Variants in SEMA5A observed in about 807,000 individuals in gnomAD.
SEMA5A encodes semaphorin 5A.
Under a neutral mutation model 135.5 loss-of-function variants are expected in SEMA5A, and 55 were observed. That is an observed-to-expected ratio of 0.41 (90% confidence interval 0.33 to 0.51). The LOEUF is 0.51. Among genes scored for constraint, SEMA5A ranks in the 20% least tolerant of loss-of-function variants. The probability of loss-of-function intolerance (pLI) is 0.37; values close to 1 mark genes in which losing one functional copy is unlikely to be tolerated. For synonymous variants in SEMA5A, 580 were observed against 546.5 expected, an observed-to-expected ratio of 1.06 and a Z score of -0.85; for missense variants, 1,290 against 1,419.9, an observed-to-expected ratio of 0.91 and a Z score of 1.47.
intron 1 of SEMA5A, among the ~76,000 whole-genome samples, chr5:9,494,208 G>T (rs543371906): frequency 6.6e-6 from 1 of 152,060 alleles, no homozygotes; most frequent in African/African-American, 2.4e-5. Context: ...TTGGCCTCAA[G>T]GTGCCTATCT....
chr5:9,140,652 T>C (rs1357633138), intron 12 of SEMA5A, among the ~76,000 whole-genome samples: 2 of 152,206 alleles, frequency 1.3e-5, no homozygotes, highest in South Asian at 2.1e-4. Context: ...GCGGCTCCTA[T>C]GGCAAACCTG....
chr5:9,265,382 A>G (rs912445947), intron 5 of SEMA5A: 2 of 455,486 alleles, frequency 4.4e-6, no homozygotes, highest in African/African-American at 2.0e-5. Context: ...AGACCATATA[A>G]TTTATCTAAC....
chr5:9,344,378 G>A (rs946333934), intron 3 of SEMA5A, among the ~76,000 whole-genome samples: 1 of 152,136 alleles, frequency 6.6e-6, no homozygotes, highest in African/African-American at 2.4e-5. Flanking sequence ...AATTTTCCAA[G>A]GAATGCATAA....
chr5:9,085,645 A>C (rs181746314), intron 16 of SEMA5A, among the ~76,000 whole-genome samples: 4 of 152,184 alleles, frequency 2.6e-5, no homozygotes, highest in Non-Finnish European at 5.9e-5. Flanking sequence ...AGTTTGCTGC[A>C]GGGGTGGGGC....
intron 2 of SEMA5A, among the ~76,000 whole-genome samples, chr5:9,436,941 A>G (rs139829310): frequency 0.032 from 3,904 of 120,288 alleles, 59 homozygotes; most frequent in South Asian, 0.061. Flanking sequence ...TGGTGGGAAC[A>G]GATCATTGTG....
At chr5:9,169,803 T>C (rs28650910) in intron 11 of SEMA5A, among the ~76,000 whole-genome samples, 3,604 of 152,234 alleles carry the variant, frequency 0.024, 142 homozygotes, top group African/African-American at 0.083. Flanking sequence ...CTCATGATAA[T>C]TACCCACTCA....
intron 5 of SEMA5A, chr5:9,265,695 C>T (rs897224017): frequency 2.5e-6 from 1 of 392,394 alleles, no homozygotes; most frequent in Non-Finnish European, 5.2e-6. Context: ...CTTCTGAGGT[C>T]TGCTAAACCA....
At chr5:9,369,371 A>G (rs1413808068) in intron 3 of SEMA5A, among the ~76,000 whole-genome samples, 3 of 152,122 alleles carry the variant, frequency 2.0e-5, no homozygotes, top group Non-Finnish European at 4.4e-5. Context: ...AATTTATCAA[A>G]TTTTCTGGTA....
chr5:9,534,415 A>C lies in SEMA5A; in HGVS notation c.-175+11169T>G, dbSNP rs568193209. Among the ~76,000 whole-genome samples the C allele has an allele frequency of 2.6e-5, 4 of 152,340 alleles. No individual in the cohort carries two copies. In the East Asian group the frequency reaches 7.7e-4, roughly 29 times the overall value. On this transcript the variant is annotated intron_variant, in intron 1 of 22. Transcript: ENST00000382496. ...AGCTCATTGAAAAACACTTAGCAACAAATCCAAAACTGCACTAAAGTCCAT... is the reference window on the plus strand; with the variant it reads ...AGCTCATTGAAAAACACTTAGCAACCAATCCAAAACTGCACTAAAGTCCAT...
intron 12 of SEMA5A, among the ~76,000 whole-genome samples, chr5:9,141,590 A>AT (rs1382549060): frequency 2.0e-5 from 3 of 152,156 alleles, no homozygotes; most frequent in Non-Finnish European, 4.4e-5. Flanking sequence ...TATTGAGGGT[A>AT]TTTTTTAGAG....
At chr5:9,430,872 T>C (rs1757833736) in intron 2 of SEMA5A, among the ~76,000 whole-genome samples, 1 of 150,674 alleles carries the variant, frequency 6.6e-6, no homozygotes, top group Middle Eastern at 3.5e-3. Flanking sequence ...AAAGAGGAGA[T>C]AAATGTATTA....
intron 1 of SEMA5A, among the ~76,000 whole-genome samples, chr5:9,524,583 T>C (rs980295195): frequency 2.6e-5 from 4 of 152,222 alleles, no homozygotes; most frequent in African/African-American, 9.6e-5. Context: ...TTCAGACTTC[T>C]GGCCTCCAGA....
At chr5:9,336,421 G>A (rs1309669557) in intron 4 of SEMA5A, among the ~76,000 whole-genome samples, 3 of 152,070 alleles carry the variant, frequency 2.0e-5, no homozygotes, top group Non-Finnish European at 4.4e-5. Flanking sequence ...AACATCTGGA[G>A]GCCAGGAGAC....
At chr5:9,451,516 T>C (rs1758644058) in intron 1 of SEMA5A, among the ~76,000 whole-genome samples, 1 of 152,198 alleles carries the variant, frequency 6.6e-6, no homozygotes, top group South Asian at 2.1e-4. Flanking sequence ...AAAAGAGCCA[T>C]AGTCAGAAAA....
At chr5:9,314,832 G>A (rs559143636) in intron 5 of SEMA5A, among the ~76,000 whole-genome samples, 1 of 152,246 alleles carries the variant, frequency 6.6e-6, no homozygotes, top group South Asian at 2.1e-4. Context: ...TGGTACAGCA[G>A]TCTGACCTCT....
At chr5:9,246,185 A>G (rs1748472923) in intron 5 of SEMA5A, among the ~76,000 whole-genome samples, 1 of 151,798 alleles carries the variant, frequency 6.6e-6, no homozygotes. Flanking sequence ...GGATTGGTTT[A>G]AAAAATGGTG....
intron 1 of SEMA5A, among the ~76,000 whole-genome samples, chr5:9,471,227 G>T (rs966011848): frequency 6.6e-6 from 1 of 152,106 alleles, no homozygotes; most frequent in Admixed American, 6.5e-5. Flanking sequence ...AGTGTCCTGA[G>T]GATGAACGAG....
intron 5 of SEMA5A, among the ~76,000 whole-genome samples, chr5:9,255,872 C>A (rs1373326893): frequency 1.3e-5 from 2 of 152,130 alleles, no homozygotes; most frequent in Non-Finnish European, 2.9e-5. Context: ...ACATGTAAAT[C>A]ACCAGCCATG....
intron 2 of SEMA5A, among the ~76,000 whole-genome samples, chr5:9,431,842 G>A (rs1241385686): frequency 1.3e-5 from 2 of 152,136 alleles, no homozygotes; most frequent in Non-Finnish European, 2.9e-5. Flanking sequence ...AACAGCACAC[G>A]TCAATCCCTC....
Sources: allele counts gnomAD v4.1 joint callset (sites outside exome capture counted in the v4.1 genomes callset), GRCh38; gene constraint gnomAD v4.1.1; transcripts MANE v1.5; gene names NCBI Gene and HGNC (gene_info 2026-07-23, HGNC 2026-07-21).